Variants in DYNC1I1 observed in about 807,000 individuals in gnomAD.
DYNC1I1 encodes cytoplasmic dynein 1 intermediate chain 1.
Under a neutral mutation model 86.6 loss-of-function variants are expected in DYNC1I1, and 43 were observed. The observed-to-expected ratio is 0.50, with a 90% CI of 0.39 to 0.64. DYNC1I1 has a LOEUF of 0.64. Ranked by LOEUF, DYNC1I1 falls within the 30% of genes least tolerant of loss-of-function variation. DYNC1I1 has a pLI of 0.00. For synonymous variants in DYNC1I1, 262 were observed against 283.7 expected (o/e 0.92, Z 0.77); for missense variants, 604 against 788.8 (o/e 0.77, Z 2.81).
At chr7:95,840,410 T>C (rs574129774) in intron 5 of DYNC1I1, among the ~76,000 whole-genome samples, 49 of 152,288 alleles carry the variant, frequency 3.2e-4, no homozygotes, top group African/African-American at 1.1e-3. Context: ...TCAGGTCTAT[T>C]ATTTCTATTT....
chr7:95,886,271 A>T (rs945653261), intron 6 of DYNC1I1, among the ~76,000 whole-genome samples: 1 of 152,124 alleles, frequency 6.6e-6, no homozygotes, highest in African/African-American at 2.4e-5. Context: ...CCCCGTCTCT[A>T]TTAAAAATAC....
intron 1 of DYNC1I1, among the ~76,000 whole-genome samples, chr7:95,790,789 A>G (rs1396708986): frequency 1.3e-5 from 2 of 152,232 alleles, no homozygotes; most frequent in Admixed American, 1.3e-4. Flanking sequence ...GGCTGAGAGC[A>G]TGTGCTGTGG....
At chr7:96,073,698 C>G (rs1442849478) in intron 14 of DYNC1I1, among the ~76,000 whole-genome samples, 3 of 152,070 alleles carry the variant, frequency 2.0e-5, no homozygotes, top group Non-Finnish European at 4.4e-5. Flanking sequence ...ACCTTTAACA[C>G]CCTTTGACTT....
At chr7:95,980,584 G>A (rs894024672) in intron 7 of DYNC1I1, among the ~76,000 whole-genome samples, 2 of 143,774 alleles carry the variant, frequency 1.4e-5, no homozygotes, top group Admixed American at 7.1e-5. Context: ...GAAGAAAAAG[G>A]TGGTGAGGGG....
intron 6 of DYNC1I1, among the ~76,000 whole-genome samples, chr7:95,953,681 A>G (rs535703642): frequency 1.3e-5 from 2 of 152,346 alleles, no homozygotes; most frequent in East Asian, 3.9e-4. Flanking sequence ...TCATGTTAGC[A>G]GCGTGAGGAA....
chr7:95,854,363 A>G (rs1400249906), intron 5 of DYNC1I1, among the ~76,000 whole-genome samples: 5 of 151,990 alleles, frequency 3.3e-5, no homozygotes, highest in Non-Finnish European at 7.4e-5. Flanking sequence ...AGGTATAGAT[A>G]GTTTATATTA....
chr7:96,054,760 A>G (rs1311570369), intron 14 of DYNC1I1, among the ~76,000 whole-genome samples: 2 of 152,168 alleles, frequency 1.3e-5, no homozygotes, highest in African/African-American at 4.8e-5. Context: ...GGCCACATAA[A>G]TGTCTTCTTT....
At chr7:95,915,532 G>A (rs1791447103) in intron 6 of DYNC1I1, among the ~76,000 whole-genome samples, 1 of 152,186 alleles carries the variant, frequency 6.6e-6, no homozygotes, top group Non-Finnish European at 1.5e-5. Context: ...TCCTGATGGA[G>A]TGGGGTCAGA....
intron 10 of DYNC1I1, among the ~76,000 whole-genome samples, chr7:96,019,010 T>C (rs1172443470): frequency 6.6e-6 from 1 of 152,188 alleles, no homozygotes; most frequent in Non-Finnish European, 1.5e-5. Context: ...TCTGATTAAG[T>C]ATATCACAGT....
At chr7:95,807,900 T>TTTG (rs541182115) in intron 2 of DYNC1I1, among the ~76,000 whole-genome samples, 60 of 152,186 alleles carry the variant, frequency 3.9e-4, no homozygotes, top group Admixed American at 1.8e-3. Flanking sequence ...GCTATATGCT[T>TTTG]TTGTTGTTGT....
chr7:95,962,581 C>T (rs745632514), intron 6 of DYNC1I1, among the ~76,000 whole-genome samples: 16 of 78,038 alleles, frequency 2.1e-4, no homozygotes, highest in Admixed American at 1.2e-3. Flanking sequence ...ATAACTAACA[C>T]GTTATAGCCT....
chr7:95,957,878 A>G (rs908696847), intron 6 of DYNC1I1, among the ~76,000 whole-genome samples: 1 of 152,066 alleles, frequency 6.6e-6, no homozygotes, highest in African/African-American at 2.4e-5. Context: ...AAATACCACC[A>G]CTCACGAGAG....
chr7:96,080,515 C>T, intron 16 of DYNC1I1, 27 bp downstream of exon 16: 1 of 1,614,048 alleles, frequency 6.2e-7, no homozygotes, highest in Non-Finnish European at 8.5e-7. Context: ...GTTGTTGTTA[C>T]TGTTTTGACT....
At chr7:96,081,287 A>G (rs1253523917) in intron 16 of DYNC1I1, among the ~76,000 whole-genome samples, 1 of 151,800 alleles carries the variant, frequency 6.6e-6, no homozygotes, top group Non-Finnish European at 1.5e-5. Flanking sequence ...GTCTTATTAC[A>G]TGATACACAA....
At chr7:95,880,803 G>C (rs1672593387) in intron 6 of DYNC1I1, among the ~76,000 whole-genome samples, 1 of 151,756 alleles carries the variant, frequency 6.6e-6, no homozygotes. Context: ...ACACCACCGT[G>C]CCCAGCTAAT....
At chr7:96,067,992 A>G (rs1355800567) in intron 14 of DYNC1I1, among the ~76,000 whole-genome samples, 1 of 152,160 alleles carries the variant, frequency 6.6e-6, no homozygotes, top group East Asian at 1.9e-4. Flanking sequence ...ATTTTAGTCT[A>G]ATGTTGGAGG....
chr7:96,040,344 C>A (rs1010272903), intron 14 of DYNC1I1, among the ~76,000 whole-genome samples: 2 of 152,090 alleles, frequency 1.3e-5, no homozygotes, highest in African/African-American at 4.8e-5. Context: ...GCACAATAAT[C>A]TAGGAAAGAA....
intron 14 of DYNC1I1, among the ~76,000 whole-genome samples, chr7:96,045,660 A>G (rs1789188376): frequency 6.6e-6 from 1 of 152,158 alleles, no homozygotes. Flanking sequence ...GAAATGGCAG[A>G]AGAGGTGGTG....
intron 14 of DYNC1I1, among the ~76,000 whole-genome samples, chr7:96,045,868 G>C (rs73708453): frequency 2.6e-4 from 39 of 152,278 alleles, no homozygotes; most frequent in African/African-American, 9.1e-4. Flanking sequence ...TCTAGAAAAT[G>C]CTCTGAGACC....
Sources: allele counts gnomAD v4.1 joint callset (sites outside exome capture counted in the v4.1 genomes callset), GRCh38; gene constraint gnomAD v4.1.1; transcripts MANE v1.5; gene names NCBI Gene and HGNC (gene_info 2026-07-23, HGNC 2026-07-21).